CORO2B: variants seen among roughly 807,000 people sequenced by gnomAD.
CORO2B encodes the protein coronin-2B.
CORO2B carries 26 observed loss-of-function variants against 58.8 expected under a neutral mutation model. That is an observed-to-expected ratio of 0.44 (90% confidence interval 0.32 to 0.61). CORO2B has a LOEUF of 0.61. Ranked by LOEUF, CORO2B falls within the 20% of genes least tolerant of loss-of-function variation. The pLI is 0.04. For missense variants in CORO2B, 460 were observed against 645.1 expected (o/e 0.71, Z 3.11); for synonymous variants, 242 against 253.8 (o/e 0.95, Z 0.44).
At chr15:68,578,277 G>A (rs1899326838), upstream of CORO2B, among the ~76,000 whole-genome samples, 1 of 152,190 alleles carries the variant, frequency 6.6e-6, no homozygotes, top group African/African-American at 2.4e-5. This position sits in a 1 kb window ranked among gnomAD's most constrained non-coding sequence, Gnocchi z 4.2. Context: ...TATAACAAGA[G>A]GTTCCTTAGG....
chr15:68,626,174 C>T (rs918771400), intron 1 of CORO2B, among the ~76,000 whole-genome samples: 1 of 152,208 alleles, frequency 6.6e-6, no homozygotes, highest in Admixed American at 6.5e-5. Context: ...CTGCGTGCTG[C>T]TGTGAGGGCA....
chr15:68,704,866 G>C (rs1453719946), intron 3 of CORO2B, among the ~76,000 whole-genome samples: 2 of 152,140 alleles, frequency 1.3e-5, no homozygotes, highest in Non-Finnish European at 2.9e-5. Flanking sequence ...TTTCCTTCCA[G>C]AAATCCGGTT....
intron 2 of CORO2B, among the ~76,000 whole-genome samples, chr15:68,679,098 A>G (rs1902685208): frequency 6.6e-6 from 1 of 152,220 alleles, no homozygotes; most frequent in African/African-American, 2.4e-5. Context: ...TTGAGACTCT[A>G]CTATGGGCCT....
chr15:68,658,459 G>A (rs369047377), intron 2 of CORO2B, among the ~76,000 whole-genome samples: 62 of 152,410 alleles, frequency 4.1e-4, no homozygotes, highest in African/African-American at 1.5e-3. Context: ...ATAACAACCT[G>A]GGTAGAAGCG....
intron 1 of CORO2B, among the ~76,000 whole-genome samples, chr15:68,617,118 C>G (rs1900378840): frequency 6.6e-6 from 1 of 152,006 alleles, no homozygotes; most frequent in South Asian, 2.1e-4. Flanking sequence ...AGAGCCAGGT[C>G]TGTCAGCCTT....
chr15:68,718,031 T>C lies in CORO2B; in HGVS notation c.968-667T>C, dbSNP rs567680681. On this transcript the variant is annotated intron_variant, in intron 8 of 11. Coordinates refer to ENST00000261861, the MANE Select transcript of CORO2B (RefSeq NM_006091.5). Reference sequence around the variant, plus strand: ...GATGGAAAGGGGGCAGAGTGAGGACTCAAACCCCGTTGGTCCACCCCTAGA... The same window carrying C: ...GATGGAAAGGGGGCAGAGTGAGGACCCAAACCCCGTTGGTCCACCCCTAGA... 7.2e-5 allele frequency among the ~76,000 whole-genome samples: 11 copies of C among 152,312 alleles called. No individual in the cohort carries two copies. In the East Asian group the frequency reaches 1.4e-3, roughly 19 times the overall value.
intron 1 of CORO2B, among the ~76,000 whole-genome samples, chr15:68,643,406 C>T (rs1901320896): frequency 6.6e-6 from 1 of 152,178 alleles, no homozygotes; most frequent in Admixed American, 6.5e-5. Flanking sequence ...GACCCACCAG[C>T]CTCCCATCCA....
At chr15:68,570,799 GT>G in the CORO2B span, among the ~76,000 whole-genome samples, 2,365 of 78,630 alleles carry the variant, frequency 0.03, 43 homozygotes, top group African/African-American at 0.071. Flanking sequence ...ACTACACGTA[GT>G]TTTTTTTTTT....
At chr15:68,555,493 A>AG in the CORO2B span, among the ~76,000 whole-genome samples, 1 of 152,098 alleles carries the variant, frequency 6.6e-6, no homozygotes, top group Non-Finnish European at 1.5e-5. Flanking sequence ...GGGGCTGGGC[A>AG]GGGGGGAGAG....
chr15:68,555,120 C>A, the CORO2B span, among the ~76,000 whole-genome samples: 1 of 152,130 alleles, frequency 6.6e-6, no homozygotes, highest in Non-Finnish European at 1.5e-5. Context: ...CCTAGGGTCC[C>A]GCTGGGTGAC....
At chr15:68,665,246 C>G (rs997012239) in intron 2 of CORO2B, among the ~76,000 whole-genome samples, 1 of 151,984 alleles carries the variant, frequency 6.6e-6, no homozygotes, top group Non-Finnish European at 1.5e-5. Flanking sequence ...CTTTCTTTCC[C>G]CTACTGATTT....
chr15:68,610,431 G>A (rs1900221499), intron 1 of CORO2B, among the ~76,000 whole-genome samples: 1 of 151,952 alleles, frequency 6.6e-6, no homozygotes, highest in African/African-American at 2.4e-5. Context: ...TTGCTGCCTG[G>A]CCCCAGGCTT....
chr15:68,568,636 T>C, the CORO2B span, among the ~76,000 whole-genome samples: 1 of 152,210 alleles, frequency 6.6e-6, no homozygotes, highest in Admixed American at 6.5e-5. Context: ...TTACAACTTC[T>C]TTTTATAGGC....
At chr15:68,642,272 G>C (rs1431017095) in intron 1 of CORO2B, among the ~76,000 whole-genome samples, 1 of 152,110 alleles carries the variant, frequency 6.6e-6, no homozygotes, top group Non-Finnish European at 1.5e-5. Flanking sequence ...CACACAGCAG[G>C]GTTGGGATTT....
the CORO2B span, among the ~76,000 whole-genome samples, chr15:68,531,490 G>A: frequency 7.0e-6 from 1 of 142,836 alleles, no homozygotes; most frequent in Admixed American, 7.3e-5. Flanking sequence ...GAGGGAAACT[G>A]TATCTCAAAA....
intron 1 of CORO2B, among the ~76,000 whole-genome samples, chr15:68,614,718 G>A (rs555797044): frequency 5.9e-5 from 9 of 152,302 alleles, no homozygotes; most frequent in Admixed American, 1.3e-4. Flanking sequence ...CTTCCTTTCC[G>A]TTCCTGCCTT....
chr15:68,719,600 C>CT, intron 11 of CORO2B, 48 bp downstream of exon 11: 2 of 1,562,584 alleles, frequency 1.3e-6, no homozygotes, highest in Non-Finnish European at 1.7e-6. Context: ...AGAGCAAGAC[C>CT]TTTACATTTC....
At chr15:68,648,704 G>T (rs1210590834) in intron 2 of CORO2B, among the ~76,000 whole-genome samples, 2 of 152,144 alleles carry the variant, frequency 1.3e-5, no homozygotes, top group Admixed American at 6.6e-5. Context: ...CAAAAGATAT[G>T]AATAAGCAAT....
the CORO2B span, among the ~76,000 whole-genome samples, chr15:68,566,877 T>A: frequency 1.3e-5 from 2 of 152,152 alleles, no homozygotes; most frequent in African/African-American, 4.8e-5. Flanking sequence ...AACACACACA[T>A]ATACACAACT....
Sources: allele counts gnomAD v4.1 joint callset (sites outside exome capture counted in the v4.1 genomes callset), GRCh38; gene constraint gnomAD v4.1.1; non-coding constraint Gnocchi (gnomAD v3.1); transcripts MANE v1.5; gene names NCBI Gene and HGNC (gene_info 2026-07-23, HGNC 2026-07-21).